Variants in CHRM2 observed in about 807,000 individuals in gnomAD.
CHRM2 encodes the protein cholinergic receptor muscarinic 2, also known as muscarinic acetylcholine receptor M2.
A neutral mutation model predicts 25.0 loss-of-function variants in CHRM2; 8 were observed. The observed-to-expected ratio is 0.32, with a 90% confidence interval of 0.19 to 0.58. CHRM2 has a LOEUF of 0.58. CHRM2 is among the 20% of genes least tolerant of loss of function. The probability of loss-of-function intolerance (pLI) is 0.88; values close to 1 mark genes in which losing one functional copy is unlikely to be tolerated. For missense variants in CHRM2, 440 were observed against 567.1 expected (o/e 0.78, Z 2.28); for synonymous variants, 202 against 205.7 (o/e 0.98, Z 0.15).
intron 2 of CHRM2, among the ~76,000 whole-genome samples, chr7:136,889,074 GTAAT>G (rs1470650440): frequency 2.6e-5 from 3 of 117,038 alleles, no homozygotes; most frequent in Admixed American, 8.5e-5. Context: ...AAAAAAAAAA[GTAAT>G]TACCATTTCA....
intron 2 of CHRM2, among the ~76,000 whole-genome samples, chr7:136,895,102 A>G (rs1376083056): frequency 2.6e-5 from 4 of 152,220 alleles, no homozygotes; most frequent in Non-Finnish European, 4.4e-5. Flanking sequence ...ATCTGTATGA[A>G]TTCAAATAGT....
intron 3 of CHRM2, among the ~76,000 whole-genome samples, chr7:136,993,017 A>G (rs550165422): frequency 4.6e-5 from 7 of 152,320 alleles, no homozygotes; most frequent in African/African-American, 1.7e-4. Flanking sequence ...CCTTCACAGC[A>G]ACACCTAGAT....
chr7:136,893,053 T>A (rs1307748408), intron 2 of CHRM2, among the ~76,000 whole-genome samples: 2 of 152,178 alleles, frequency 1.3e-5, no homozygotes, highest in South Asian at 4.1e-4. Flanking sequence ...TTCTCTCTCT[T>A]GTTCTCTCTT....
At position 136,915,764 on chromosome 7, in the gene CHRM2, C is replaced by G. The variant is rs181122782; in HGVS notation, c.-125+46346C>G. 3.2e-4 allele frequency among the ~76,000 whole-genome samples: 49 copies of G among 151,830 alleles called. 1 individual carries two copies. The highest frequency in any genetic ancestry group is 1.1e-3 in the African/African-American group (46 of 41,482). ...TTGTCCACACTGCCAATGCGCCAACCTCAGTGAATTCAGTATATAATGACT... is the reference window on the plus strand; with the variant it reads ...TTGTCCACACTGCCAATGCGCCAACGTCAGTGAATTCAGTATATAATGACT... On this transcript the variant is annotated intron_variant, in intron 2 of 3. Transcript: ENST00000680005.
chr7:136,921,794 C>CTTTCTTTCTTTCTTTCTTTTT (rs776923730), intron 2 of CHRM2, among the ~76,000 whole-genome samples: 2 of 116,538 alleles, frequency 1.7e-5, no homozygotes, highest in Admixed American at 8.8e-5. Flanking sequence ...TTCTTTCTTT[C>CTTTCTTTCTTTCTTTCTTTTT]TTTTTTTTGA....
In CHRM2 at chr7:136,916,328, A is replaced by G. The variant is rs1281078479; in HGVS notation, c.-125+46910A>G. On this transcript the variant is annotated intron_variant, in intron 2 of 3. Coordinates refer to ENST00000680005, the MANE Select transcript of CHRM2 (RefSeq NM_001006630.2). Reference sequence around the variant, plus strand: ...TAATCCTCATTTTAAATAATATACTATCCTCTACAGAAAAACATTTATTAT... The same window carrying G: ...TAATCCTCATTTTAAATAATATACTGTCCTCTACAGAAAAACATTTATTAT... 3.9e-5 allele frequency among the ~76,000 whole-genome samples: 6 copies of G among 152,016 alleles called. No individual in the cohort carries two copies. The East Asian group carries it at 9.7e-4, about 25-fold the overall frequency.
At chr7:136,892,479 T>G (rs1796729140) in intron 2 of CHRM2, among the ~76,000 whole-genome samples, 1 of 151,962 alleles carries the variant, frequency 6.6e-6, no homozygotes. Flanking sequence ...AAATGATTCA[T>G]GGGACGAGCA....
In CHRM2 at chr7:137,016,981, A is replaced by G. The variant is rs1805227802; in HGVS notation, c.*715A>G. The G allele has an allele frequency of 6.0e-6, 1 of 166,132 alleles. No individual in the cohort carries two copies. The highest frequency in any genetic ancestry group is 1.5e-5 in the Non-Finnish European group (1 of 68,044). 10.3% of individuals were successfully genotyped at this position (166,132 alleles called of 1,614,324 possible). On this transcript the variant is annotated 3_prime_UTR_variant, in exon 4 of 4. Coordinates refer to ENST00000680005, the MANE Select transcript of CHRM2 (RefSeq NM_001006630.2). ...AGGGAAAACCTACAGGACTTTCACTAAAGCTAGCCAGAGACAGCCATGAAA... is the reference window on the plus strand; with the variant it reads ...AGGGAAAACCTACAGGACTTTCACTGAAGCTAGCCAGAGACAGCCATGAAA...
intron 2 of CHRM2, chr7:136,899,500 G>C (rs1358270063): frequency 6.6e-6 from 1 of 151,988 alleles, no homozygotes; most frequent in East Asian, 1.9e-4. Context: ...AATTTTCTAA[G>C]GTATGTCACA....
intron 2 of CHRM2, among the ~76,000 whole-genome samples, chr7:136,919,897 G>C (rs1047541275): frequency 6.6e-6 from 1 of 151,952 alleles, no homozygotes; most frequent in Non-Finnish European, 1.5e-5. Flanking sequence ...ATTGACCTTC[G>C]GATTGTTTAT....
chr7:136,986,669 G>C (rs1483859860), intron 2 of CHRM2, among the ~76,000 whole-genome samples: 2 of 152,094 alleles, frequency 1.3e-5, no homozygotes, highest in African/African-American at 4.8e-5. Flanking sequence ...TAAAAATTTG[G>C]TCTAAATGTC....
chr7:136,921,783 TTTCTTTCTTTC>T lies in CHRM2; in HGVS notation c.-125+52368_-125+52378del. On this transcript the variant is annotated intron_variant, in intron 2 of 3. Transcript: ENST00000680005. ...TCATGCAATTTTCTTTCTTTCTTTC[TTTCTTTCTTTC>T]TTTTTTTTGAGACAGATTCTCACTC... Among the ~76,000 whole-genome samples, 2 of 144,312 alleles carry T rather than the reference TTTCTTTCTTTC, an allele frequency of 1.4e-5. 1 individual carries two copies. Among genetic ancestry groups the T allele is most frequent in the South Asian group, 4.3e-4 (2 of 4,694 alleles). The allele number at this position is 144,312 out of a possible 152,430, so 94.7% of individuals were successfully genotyped here.
intron 3 of CHRM2, among the ~76,000 whole-genome samples, chr7:137,003,467 C>A (rs892077571): frequency 1.5e-5 from 2 of 131,560 alleles, no homozygotes; most frequent in African/African-American, 5.9e-5. Context: ...CATATGCATG[C>A]ATGCATACAC....
intron 2 of CHRM2, among the ~76,000 whole-genome samples, chr7:136,876,076 A>G (rs1796041392): frequency 6.6e-6 from 1 of 152,186 alleles, no homozygotes; most frequent in Admixed American, 6.5e-5. Flanking sequence ...TCTCACAGCC[A>G]TGTGCACCAC....
chr7:137,002,496 A>T (rs997859891), intron 3 of CHRM2, among the ~76,000 whole-genome samples: 5 of 152,208 alleles, frequency 3.3e-5, no homozygotes, highest in Non-Finnish European at 5.9e-5. Context: ...TTTACTAAGT[A>T]ATCTTTCATA....
chr7:136,971,894 G>C (rs1399534170), intron 2 of CHRM2, among the ~76,000 whole-genome samples: 2 of 152,044 alleles, frequency 1.3e-5, no homozygotes, highest in Non-Finnish European at 2.9e-5. Context: ...ACTCTCATCT[G>C]TATTTTTGGT....
At chr7:136,889,512 A>T (rs925127676) in intron 2 of CHRM2, among the ~76,000 whole-genome samples, 7 of 152,222 alleles carry the variant, frequency 4.6e-5, no homozygotes, top group Non-Finnish European at 1.0e-4. Context: ...GAACCAGGAC[A>T]CAAATCAACT....
chr7:136,963,809 T>C (rs923125636), intron 2 of CHRM2, among the ~76,000 whole-genome samples: 3 of 152,142 alleles, frequency 2.0e-5, no homozygotes, highest in Non-Finnish European at 4.4e-5. Flanking sequence ...AAAAAATTTC[T>C]CTAGACAATT....
intron 3 of CHRM2, among the ~76,000 whole-genome samples, chr7:137,000,589 A>AAGGAAGGAAGGG (rs1475185973): frequency 6.6e-6 from 1 of 150,716 alleles, no homozygotes; most frequent in Non-Finnish European, 1.5e-5. Flanking sequence ...GGAAGGAAGG[A>AAGGAAGGAAGGG]AGGGAAAAAA....
Sources: gnomAD v4.1 joint callset for allele counts (sites outside exome capture counted in the v4.1 genomes callset) on GRCh38, gnomAD v4.1.1 for gene constraint, MANE v1.5 for transcripts, NCBI Gene and HGNC (gene_info 2026-07-23, HGNC 2026-07-21) for gene names.